Variants in TNRC6B observed in about 807,000 individuals in gnomAD.
The protein encoded by TNRC6B is trinucleotide repeat-containing gene 6B protein.
TNRC6B carries 52 observed loss-of-function variants against 203.6 expected under a neutral mutation model. The observed-to-expected ratio is 0.26, with a 90% CI of 0.20 to 0.32. TNRC6B has a LOEUF of 0.32. Ranked by LOEUF, TNRC6B falls within the 10% of genes least tolerant of loss-of-function variation. TNRC6B has a pLI of 1.00. For missense variants in TNRC6B, 1,923 were observed against 2,286.2 expected (o/e 0.84, Z 3.24); for synonymous variants, 838 against 845.7 (o/e 0.99, Z 0.16).
intron 1 of TNRC6B, among the ~76,000 whole-genome samples, chr22:40,097,160 T>A (rs2068192238): frequency 6.6e-6 from 1 of 152,206 alleles, no homozygotes; most frequent in South Asian, 2.1e-4. Context: ...GCTTTTGAAC[T>A]TGTTGAACAA....
chr22:40,304,458 C>T (rs1197490033), intron 15 of TNRC6B, among the ~76,000 whole-genome samples: 4 of 152,138 alleles, frequency 2.6e-5, no homozygotes, highest in Admixed American at 6.5e-5. Flanking sequence ...TGATAATGAC[C>T]TATCTAAAAA....
intron 3 of TNRC6B, among the ~76,000 whole-genome samples, chr22:40,143,678 A>G (rs908917592): frequency 5.9e-5 from 9 of 152,070 alleles, no homozygotes; most frequent in Non-Finnish European, 1.2e-4. Flanking sequence ...TTGTATTTTT[A>G]GTAGAGACAG....
chr22:40,147,290 G>C (rs135629), intron 3 of TNRC6B, among the ~76,000 whole-genome samples: 221 of 152,268 alleles, frequency 1.5e-3, no homozygotes, highest in Non-Finnish European at 2.5e-3. Context: ...GTTAGGGACT[G>C]GGGGGAGCAG....
intron 4 of TNRC6B, among the ~76,000 whole-genome samples, chr22:40,169,602 C>G (rs1173042250): frequency 3.3e-5 from 5 of 152,220 alleles, no homozygotes; most frequent in Admixed American, 2.0e-4. Context: ...TAGCCACCCT[C>G]TCTCACTTAG....
intron 1 of TNRC6B, among the ~76,000 whole-genome samples, chr22:40,101,954 C>T (rs535347033): frequency 8.0e-4 from 122 of 152,218 alleles, no homozygotes; most frequent in African/African-American, 2.8e-3. Flanking sequence ...CTTTCATGGC[C>T]GAGCCAGTGA....
chr22:40,288,820 C>T (rs1034240728), intron 12 of TNRC6B, among the ~76,000 whole-genome samples: 1 of 146,434 alleles, frequency 6.8e-6, no homozygotes, highest in Non-Finnish European at 1.5e-5. Context: ...GGATTACAGG[C>T]GTGAGCCACT....
chr22:40,260,526 G>A (rs1449634977), intron 3 of TNRC6B, among the ~76,000 whole-genome samples: 2 of 152,184 alleles, frequency 1.3e-5, no homozygotes, highest in East Asian at 3.9e-4. Context: ...ATTTTTGAAT[G>A]GAGAATTTTC....
intron 1 of TNRC6B, among the ~76,000 whole-genome samples, chr22:40,070,792 A>G (rs1000472204): frequency 3.3e-5 from 5 of 151,676 alleles, no homozygotes; most frequent in African/African-American, 1.2e-4. Context: ...TTTTTTTTGA[A>G]AACTAATAAG....
chr22:40,249,333 C>T (rs569739978), intron 2 of TNRC6B, among the ~76,000 whole-genome samples: 1 of 152,220 alleles, frequency 6.6e-6, no homozygotes, highest in Admixed American at 6.5e-5. Context: ...TTGACACTTA[C>T]TTAAAGCTAA....
rs398061938 is a variant in TNRC6B at position 40,323,786 on chromosome 22, TAA to T, written c.*558_*559del. ...TTTAAAAACAAAAACACAAAAAACCTAAAAAAAAAAAAAAGGAAAAAATTTGT... is the reference window on the plus strand; with the variant it reads ...TTTAAAAACAAAAACACAAAAAACCTAAAAAAAAAAAAGGAAAAAATTTGT... On this transcript the variant is annotated 3_prime_UTR_variant, in exon 23 of 23. Coordinates refer to ENST00000454349, the MANE Select transcript of TNRC6B (RefSeq NM_001162501.2). 10 of 125,110 alleles carry T rather than the reference TAA, an allele frequency of 8.0e-5. No individual in the cohort carries two copies. Among genetic ancestry groups the T allele is most frequent in the Non-Finnish European group, 1.0e-4 (6 of 57,258 alleles). The allele number at this position is 125,110 out of a possible 1,614,324, so 7.7% of individuals were successfully genotyped here.
chr22:40,257,059 G>A (rs923369379), intron 3 of TNRC6B, among the ~76,000 whole-genome samples: 3 of 152,158 alleles, frequency 2.0e-5, no homozygotes, highest in Non-Finnish European at 2.9e-5. Flanking sequence ...CACATTGACC[G>A]CTCACTGCAT....
intron 1 of TNRC6B, among the ~76,000 whole-genome samples, chr22:40,229,739 T>C (rs2069841332): frequency 6.6e-6 from 1 of 152,196 alleles, no homozygotes. Context: ...TGTGGCTTCT[T>C]TTACTCAACA....
chr22:40,241,883 A>C (rs2070033655), intron 1 of TNRC6B, among the ~76,000 whole-genome samples: 1 of 152,116 alleles, frequency 6.6e-6, no homozygotes, highest in East Asian at 1.9e-4. Flanking sequence ...ATAATTACTT[A>C]TTTTGATGTT....
intron 1 of TNRC6B, among the ~76,000 whole-genome samples, chr22:40,181,626 G>T (rs893786043): frequency 1.6e-4 from 24 of 152,208 alleles, no homozygotes; most frequent in African/African-American, 5.8e-4. Flanking sequence ...TGCATTAGGA[G>T]GGTCCTTGTT....
chr22:40,211,925 TCTTTC>T (rs2069569490), intron 1 of TNRC6B, among the ~76,000 whole-genome samples: 2 of 152,206 alleles, frequency 1.3e-5, no homozygotes, highest in Admixed American at 1.3e-4. Context: ...TCCTAACTCC[TCTTTC>T]CTTTCGTCTG....
chr22:40,219,979 G>A (rs1204831102), intron 1 of TNRC6B, among the ~76,000 whole-genome samples: 3 of 152,170 alleles, frequency 2.0e-5, no homozygotes, highest in Non-Finnish European at 4.4e-5. Flanking sequence ...TGAACGCATG[G>A]GGGAAAAACG....
At position 40,328,159 on chromosome 22, in the gene TNRC6B, A is replaced by G. The variant is rs2071425423; in HGVS notation, c.*4918A>G. On this transcript the variant is annotated 3_prime_UTR_variant, in exon 23 of 23. Transcript: ENST00000454349. The stretch of plus-strand genomic sequence containing the variant: ...TGGACGTGTTTCATTTACAACATTC[A>G]TAGGAGTTAACTTAGCAGTGTTGCA... The G allele has an allele frequency of 6.6e-6, 1 of 152,252 alleles. No individual in the cohort carries two copies. Among genetic ancestry groups the G allele is most frequent in the South Asian group, 2.1e-4 (1 of 4,836 alleles). The allele number at this position is 152,252 out of a possible 1,614,324, so 9.4% of individuals were successfully genotyped here.
chr22:40,093,011 A>G (rs919327182), intron 1 of TNRC6B, among the ~76,000 whole-genome samples: 15 of 152,244 alleles, frequency 9.9e-5, no homozygotes, highest in African/African-American at 3.6e-4. Context: ...ACTAGCTAAA[A>G]TAATAATAAT....
chr22:40,132,241 C>T (rs1032610500), intron 3 of TNRC6B, among the ~76,000 whole-genome samples: 4 of 152,146 alleles, frequency 2.6e-5, no homozygotes, highest in African/African-American at 7.2e-5. Context: ...CCAGCTGTGC[C>T]TGTAATCCCA....
Sources: gnomAD v4.1 joint callset for allele counts (sites outside exome capture counted in the v4.1 genomes callset) on GRCh38, gnomAD v4.1.1 for gene constraint, MANE v1.5 for transcripts, NCBI Gene and HGNC (gene_info 2026-07-23, HGNC 2026-07-21) for gene names.